Variants in SHISA9 observed in about 807,000 individuals in gnomAD.
SHISA9 encodes shisa family member 9, also known as protein shisa-9.
A neutral mutation model predicts 38.0 loss-of-function variants in SHISA9; 13 were observed. The observed-to-expected ratio is 0.34, with a 90% CI of 0.22 to 0.54. The LOEUF is 0.54. Among genes scored for constraint, SHISA9 ranks in the 20% least tolerant of loss-of-function variants. The pLI is 0.91. For missense variants in SHISA9, 538 were observed against 575.8 expected, an observed-to-expected ratio of 0.93 and a Z score of 0.67; for synonymous variants, 275 against 242.0, an observed-to-expected ratio of 1.14 and a Z score of -1.27.
chr16:13,151,294 A>G (rs975033707), intron 2 of SHISA9, among the ~76,000 whole-genome samples: 2 of 152,030 alleles, frequency 1.3e-5, no homozygotes, highest in African/African-American at 4.8e-5. Flanking sequence ...TTTAGTAGAG[A>G]TGGGGTTTCA....
At chr16:13,411,845 G>T in the SHISA9 span, among the ~76,000 whole-genome samples, 1 of 152,136 alleles carries the variant, frequency 6.6e-6, no homozygotes, top group Non-Finnish European at 1.5e-5. Flanking sequence ...AAAACTCAGG[G>T]GTTATTTGCT....
the SHISA9 span, among the ~76,000 whole-genome samples, chr16:13,553,156 T>C: frequency 1.3e-5 from 2 of 152,174 alleles, no homozygotes; most frequent in Non-Finnish European, 2.9e-5. Flanking sequence ...GAACACCTGC[T>C]ATGTGCCAAG....
At chr16:12,943,899 G>A (rs1401213235) in intron 2 of SHISA9, among the ~76,000 whole-genome samples, 6 of 152,084 alleles carry the variant, frequency 3.9e-5, no homozygotes, top group Non-Finnish European at 8.8e-5. Context: ...TTGTCATTCT[G>A]CCTTTCCCCT....
At chr16:13,161,423 C>G (rs1215659222) in intron 2 of SHISA9, among the ~76,000 whole-genome samples, 3 of 152,180 alleles carry the variant, frequency 2.0e-5, no homozygotes, top group Non-Finnish European at 4.4e-5. Context: ...CTGAACCTAT[C>G]TTGCAACATC....
intron 2 of SHISA9, among the ~76,000 whole-genome samples, chr16:12,993,803 T>C (rs1040932263): frequency 6.6e-6 from 1 of 151,966 alleles, no homozygotes; most frequent in Admixed American, 6.5e-5. Context: ...GAATGTTAAG[T>C]TGAGATCTGG....
chr16:13,396,040 A>G, the SHISA9 span, among the ~76,000 whole-genome samples: 2 of 152,294 alleles, frequency 1.3e-5, no homozygotes, highest in African/African-American at 4.8e-5. Flanking sequence ...AAGTCGTATG[A>G]CTCATACTTT....
At chr16:13,302,583 C>T in the SHISA9 span, among the ~76,000 whole-genome samples, 2 of 152,182 alleles carry the variant, frequency 1.3e-5, no homozygotes, top group Non-Finnish European at 2.9e-5. Context: ...AAGGGGATCC[C>T]AGCTGTGCCA....
chr16:13,259,120 TG>T, the SHISA9 span, among the ~76,000 whole-genome samples: 1 of 152,126 alleles, frequency 6.6e-6, no homozygotes, highest in Non-Finnish European at 1.5e-5. Flanking sequence ...TACAGGTATT[TG>T]GTAAATACAG....
At position 13,238,529 on chromosome 16, in the gene SHISA9, C is replaced by T. The variant is rs139254325; in HGVS notation, c.*3120C>T. 5 of 152,166 alleles carry T rather than the reference C, an allele frequency of 3.3e-5. No homozygotes were observed. The highest frequency in any genetic ancestry group is 7.3e-5 in the Non-Finnish European group (5 of 68,044). The allele number at this position is 152,166 out of a possible 1,614,324, so 9.4% of individuals were successfully genotyped here. On this transcript the variant is annotated 3_prime_UTR_variant, in exon 5 of 5. Transcript: ENST00000558583. ...CTAAATCTGTAGTATTGTATTCCTT[C>T]TGCATGCTCCTTCTCCTCTGAATAA... is the stretch of plus-strand genomic sequence containing the variant.
intron 2 of SHISA9, among the ~76,000 whole-genome samples, chr16:12,917,639 A>C (rs145671231): frequency 6.6e-6 from 1 of 152,336 alleles, no homozygotes; most frequent in East Asian, 1.9e-4. Context: ...TTTTGACAAT[A>C]ATGTAATACT....
chr16:13,395,572 T>C, the SHISA9 span, among the ~76,000 whole-genome samples: 2 of 152,244 alleles, frequency 1.3e-5, no homozygotes, highest in South Asian at 2.1e-4. Context: ...CACACATAAA[T>C]GGCATTGCTA....
At chr16:13,510,600 C>A in the SHISA9 span, among the ~76,000 whole-genome samples, 18 of 152,310 alleles carry the variant, frequency 1.2e-4, no homozygotes, top group East Asian at 3.5e-3. Flanking sequence ...ACTCACTTTT[C>A]TCACCTGAAA....
intron 2 of SHISA9, among the ~76,000 whole-genome samples, chr16:12,980,415 C>A (rs978217671): frequency 3.9e-5 from 6 of 152,102 alleles, no homozygotes; most frequent in African/African-American, 9.7e-5. Flanking sequence ...AATATTACTT[C>A]ATGTATTCTT....
At chr16:13,232,456 GAAAAGA>G (rs2051340855) in intron 4 of SHISA9, among the ~76,000 whole-genome samples, 1 of 152,098 alleles carries the variant, frequency 6.6e-6, no homozygotes, top group African/African-American at 2.4e-5. Context: ...TAAAAGAAAA[GAAAAGA>G]AAGTGTTGAT....
chr16:12,906,157 C>T (rs1252434572), intron 1 of SHISA9, among the ~76,000 whole-genome samples: 2 of 152,144 alleles, frequency 1.3e-5, no homozygotes, highest in Non-Finnish European at 2.9e-5. Flanking sequence ...CTGCCAGTCA[C>T]AGGCAGCTTC....
the SHISA9 span, among the ~76,000 whole-genome samples, chr16:13,434,518 C>T: frequency 1.3e-5 from 2 of 150,806 alleles, no homozygotes; most frequent in Non-Finnish European, 2.9e-5. Context: ...CCCAGGTTCA[C>T]ACCATTCTCC....
chr16:13,159,448 G>T (rs765597967), intron 2 of SHISA9, among the ~76,000 whole-genome samples: 14 of 152,134 alleles, frequency 9.2e-5, no homozygotes, highest in Non-Finnish European at 2.1e-4. Context: ...AGCTGTTCTC[G>T]AGATGTGAGA....
chr16:13,401,330 C>G, the SHISA9 span, among the ~76,000 whole-genome samples: 1 of 152,182 alleles, frequency 6.6e-6, no homozygotes, highest in African/African-American at 2.4e-5. Flanking sequence ...CTGGAGGAGC[C>G]AGGATTTAAA....
the SHISA9 span, among the ~76,000 whole-genome samples, chr16:13,248,835 G>C: frequency 2.0e-5 from 3 of 152,176 alleles, no homozygotes; most frequent in African/African-American, 7.2e-5. Flanking sequence ...GGGGATGGCA[G>C]AAGTTACGTA....
Sources: allele counts gnomAD v4.1 joint callset (sites outside exome capture counted in the v4.1 genomes callset), GRCh38; gene constraint gnomAD v4.1.1; transcripts MANE v1.5; gene names NCBI Gene and HGNC (gene_info 2026-07-23, HGNC 2026-07-21).